Variants in HIPK1 observed in about 807,000 individuals in gnomAD.
HIPK1 encodes homeodomain interacting protein kinase 1, also known as homeodomain-interacting protein kinase 1.
In HIPK1, 28 loss-of-function variants were observed where a neutral mutation model predicts 117.1. The observed-to-expected ratio is 0.24, with a 90% CI of 0.18 to 0.33. The LOEUF is 0.33. Among genes scored for constraint, HIPK1 ranks in the 10% least tolerant of loss-of-function variants. The pLI is 1.00. For missense variants in HIPK1, 1,122 were observed against 1,475.1 expected (o/e 0.76, Z 3.92); for synonymous variants, 605 against 562.5 (o/e 1.08, Z -1.07).
intron 10 of HIPK1, among the ~76,000 whole-genome samples, chr1:113,963,929 C>T (rs935273586): frequency 6.6e-6 from 1 of 152,230 alleles, no homozygotes; most frequent in Non-Finnish European, 1.5e-5. Context: ...GGCTCAGCTA[C>T]AGGTACCCGG....
rs1672185960 is a variant in HIPK1, at chr1:113,962,390, G to A, written c.2055G>A (p.Gln685=). 6.2e-7 allele frequency: 1 copy of A among 1,613,998 alleles called. No homozygotes were observed. The highest frequency in any genetic ancestry group is 2.2e-5 in the East Asian group (1 of 44,856). ...ATAATGCTGTACCGATTGTACCCCA[G>A]GCACCAGCTGCTCAGCCACTACAGA... The part of the protein sequence containing the change: ...RMDNAVPIVP[Q]APAAQPLQIQ... Residue 685 remains glutamine, a synonymous_variant, in exon 9 of 16, where the codon CAG becomes CAA. Transcript: ENST00000426820.
chr1:113,961,517 A>T (rs886649430), intron 8 of HIPK1, among the ~76,000 whole-genome samples: 2 of 152,186 alleles, frequency 1.3e-5, no homozygotes, highest in Non-Finnish European at 2.9e-5. Flanking sequence ...CATTCTAAAT[A>T]AGAAGGTAAC....
chr1:113,944,381 C>G (rs1195717027), intron 2 of HIPK1, among the ~76,000 whole-genome samples: 2 of 151,356 alleles, frequency 1.3e-5, no homozygotes, highest in Non-Finnish European at 2.9e-5. Context: ...CCAGGCTGGT[C>G]TCGAACTCCT....
chr1:113,974,646 T>C lies in HIPK1; in HGVS notation c.*1134T>C, dbSNP rs372818012. 267 of 152,916 alleles carry C rather than the reference T, an allele frequency of 1.7e-3. 1 individual carries two copies. The highest frequency in any genetic ancestry group is 3.2e-3 in the Non-Finnish European group (221 of 68,032). 9.5% of individuals were successfully genotyped at this position (152,916 alleles called of 1,614,324 possible). On this transcript the variant is annotated 3_prime_UTR_variant, in exon 16 of 16. Coordinates refer to ENST00000426820, the MANE Select transcript of HIPK1 (RefSeq NM_198268.3). ...TATGCCAGCAGCAAATTGAATGCTCTCTTATTAAGACTTATATAATAAGTG... is the reference window on the plus strand; with the variant it reads ...TATGCCAGCAGCAAATTGAATGCTCCCTTATTAAGACTTATATAATAAGTG...
intron 3 of HIPK1, 112 bp from the exon 4 acceptor site, chr1:113,954,539 A>T: frequency 9.2e-7 from 1 of 1,092,278 alleles, no homozygotes; most frequent in Non-Finnish European, 1.3e-6. Flanking sequence ...AGTTGTATTG[A>T]TTAAAGATTT....
chr1:113,948,999 A>T (rs1366524289), intron 2 of HIPK1, among the ~76,000 whole-genome samples: 1 of 151,874 alleles, frequency 6.6e-6, no homozygotes, highest in Non-Finnish European at 1.5e-5. Context: ...CACCATGCCC[A>T]GCTAATTTTT....
intron 5 of HIPK1, 54 bp downstream of exon 5, chr1:113,955,703 T>C: frequency 2.1e-6 from 2 of 937,844 alleles, no homozygotes; most frequent in Non-Finnish European, 3.4e-6. Context: ...CAGAGACACT[T>C]CTGTTGATTA....
chr1:113,946,191 G>C (rs1485954506), intron 2 of HIPK1, among the ~76,000 whole-genome samples: 1 of 152,066 alleles, frequency 6.6e-6, no homozygotes, highest in Non-Finnish European at 1.5e-5. Flanking sequence ...CTCACCACCA[G>C]CCACACCAAC....
chr1:113,951,235 C>T (rs1671343068), intron 2 of HIPK1: 1 of 984,664 alleles, frequency 1.0e-6, no homozygotes. Context: ...CCTAATTAGT[C>T]ATAGTTTGAC....
intron 10 of HIPK1, 77 bp from the exon 11 acceptor site, chr1:113,966,053 T>G: frequency 7.0e-7 from 1 of 1,435,902 alleles, no homozygotes; most frequent in South Asian, 1.3e-5. Flanking sequence ...ATATGAATTT[T>G]TCTTTCTTTA....
chr1:113,947,505 C>G (rs771364240), intron 2 of HIPK1, among the ~76,000 whole-genome samples: 1 of 152,136 alleles, frequency 6.6e-6, no homozygotes, highest in African/African-American at 2.4e-5. Context: ...TTTTATGTAA[C>G]CTCTCTAATT....
chr1:113,930,998 G>C (rs1034921820), intron 1 of HIPK1: 1 of 152,316 alleles, frequency 6.6e-6, no homozygotes, highest in Middle Eastern at 3.4e-3. Flanking sequence ...TTCAGCTATA[G>C]ACTCTCTGTC....
In HIPK1 at chr1:113,929,498, TC is replaced by T; in HGVS notation, c.-35del. On this transcript the variant is annotated 5_prime_UTR_variant, in exon 1 of 16. An upstream open reading frame in the 5' UTR loses its in-frame stop. Transcript: ENST00000426820. The stretch of plus-strand genomic sequence containing the variant: ...TACTGCAATCAGTACTATGCGATCG[TC>T]CTAGAGAGTCCATTCAGCTGCACTT... The T allele has an allele frequency of 7.8e-7, 1 of 1,289,280 alleles. No homozygotes were observed. Among genetic ancestry groups the T allele is most frequent in the Non-Finnish European group, 1.0e-6 (1 of 988,804 alleles). The allele number at this position is 1,289,280 out of a possible 1,614,324, so 79.9% of individuals were successfully genotyped here.
intron 1 of HIPK1, chr1:113,929,795 G>A (rs1274711706): frequency 1.0e-6 from 1 of 974,710 alleles, no homozygotes; most frequent in African/African-American, 1.8e-5. Context: ...ACGGGCGCGG[G>A]GACGGCTCCG....
At chr1:113,954,130 C>G (rs1277183123) in intron 3 of HIPK1, among the ~76,000 whole-genome samples, 2 of 151,930 alleles carry the variant, frequency 1.3e-5, no homozygotes, top group East Asian at 3.9e-4. Context: ...CTAGCTAATT[C>G]TTTTATTTTT....
chr1:113,931,930 T>C (rs551033455), intron 1 of HIPK1, among the ~76,000 whole-genome samples: 1 of 152,176 alleles, frequency 6.6e-6, no homozygotes, highest in Non-Finnish European at 1.5e-5. Flanking sequence ...TTAAAAAAAA[T>C]TTACTATTAT....
intron 1 of HIPK1, among the ~76,000 whole-genome samples, chr1:113,940,085 T>C (rs983389112): frequency 6.6e-6 from 1 of 152,006 alleles, no homozygotes; most frequent in African/African-American, 2.4e-5. Context: ...AATTAAAGGC[T>C]TGAGCCACTG....
intron 3 of HIPK1, among the ~76,000 whole-genome samples, chr1:113,953,114 A>G (rs1671475251): frequency 6.6e-6 from 1 of 152,214 alleles, no homozygotes; most frequent in South Asian, 2.1e-4. Context: ...TTTATTTTAT[A>G]TTAAGGTTGA....
chr1:113,939,212 T>A (rs1670477193), intron 1 of HIPK1, among the ~76,000 whole-genome samples: 1 of 152,036 alleles, frequency 6.6e-6, no homozygotes, highest in Non-Finnish European at 1.5e-5. Flanking sequence ...TGGAGTGCAG[T>A]GGCACGATCA....
Sources: gnomAD v4.1 joint callset for allele counts (sites outside exome capture counted in the v4.1 genomes callset) on GRCh38, gnomAD v4.1.1 for gene constraint, MANE v1.5 for transcripts, NCBI Gene and HGNC (gene_info 2026-07-23, HGNC 2026-07-21) for gene names.